The following GRM5 variants were observed in gnomAD, a reference collection of about 807,000 sequenced individuals.
The protein encoded by GRM5 is metabotropic glutamate receptor 5.
GRM5 carries 19 observed loss-of-function variants against 83.1 expected under a neutral mutation model. The observed-to-expected ratio is 0.23, with a 90% confidence interval of 0.16 to 0.34. The LOEUF (loss-of-function observed/expected upper bound fraction) is 0.34. Ranked by LOEUF, GRM5 falls within the 10% of genes least tolerant of loss-of-function variation. GRM5 has a pLI of 1.00. For missense variants in GRM5, 1,160 were observed against 1,588.3 expected (o/e 0.73, Z 4.58); for synonymous variants, 675 against 633.6 (o/e 1.07, Z -0.98).
chr11:89,057,182 A>G (rs1311856556), intron 1 of GRM5, among the ~76,000 whole-genome samples: 1 of 152,162 alleles, frequency 6.6e-6, no homozygotes, highest in Admixed American at 6.6e-5. Flanking sequence ...CTTCTGCCTG[A>G]TCAGTGGCCT....
intron 8 of GRM5, among the ~76,000 whole-genome samples, chr11:88,563,340 T>C (rs1942799695): frequency 6.6e-6 from 1 of 152,208 alleles, no homozygotes. Context: ...TCTGTGTACA[T>C]ACACCTTTCC....
intron 2 of GRM5, among the ~76,000 whole-genome samples, chr11:89,038,409 C>T (rs1473935467): frequency 6.6e-6 from 1 of 152,122 alleles, no homozygotes; most frequent in East Asian, 1.9e-4. Context: ...CATTATTTAA[C>T]AATATATCCT....
intron 3 of GRM5, 92 bp downstream of exon 3, chr11:88,849,813 TG>T: frequency 8.2e-7 from 1 of 1,215,256 alleles, no homozygotes; most frequent in Non-Finnish European, 1.2e-6. Context: ...GATTAAGCTT[TG>T]AAAGAATTTT....
At chr11:88,768,794 G>A (rs918240199) in intron 3 of GRM5, among the ~76,000 whole-genome samples, 1 of 151,780 alleles carries the variant, frequency 6.6e-6, no homozygotes, top group African/African-American at 2.4e-5. Flanking sequence ...TATTGAAGAT[G>A]GACCAAAGGA....
chr11:88,954,534 C>A (rs1177742466), intron 2 of GRM5, among the ~76,000 whole-genome samples: 1 of 152,202 alleles, frequency 6.6e-6, no homozygotes, highest in Non-Finnish European at 1.5e-5. Context: ...GAGCCCAGCA[C>A]TGCTCAATAG....
At chr11:88,776,728 G>T (rs917971539) in intron 3 of GRM5, among the ~76,000 whole-genome samples, 4 of 152,102 alleles carry the variant, frequency 2.6e-5, no homozygotes, top group African/African-American at 9.7e-5. Context: ...TAAATTCCGG[G>T]TTGAAAATTC....
intron 2 of GRM5, among the ~76,000 whole-genome samples, chr11:88,988,572 G>C (rs1246981835): frequency 2.0e-5 from 3 of 151,288 alleles, no homozygotes; most frequent in Admixed American, 6.6e-5. Context: ...ATTCACCAAA[G>C]TTGAAATGAA....
chr11:88,677,360 T>C (rs1329391002), intron 3 of GRM5, among the ~76,000 whole-genome samples: 1 of 152,136 alleles, frequency 6.6e-6, no homozygotes, highest in Non-Finnish European at 1.5e-5. Flanking sequence ...TTGCTTTAGT[T>C]ATTAGTTTAG....
chr11:88,916,065 A>G (rs1590961547), intron 2 of GRM5, among the ~76,000 whole-genome samples: 1 of 152,200 alleles, frequency 6.6e-6, no homozygotes, highest in South Asian at 2.1e-4. Context: ...TGGCTGTGCC[A>G]TTTATTCTTC....
At chr11:88,809,802 T>C (rs145749916) in intron 3 of GRM5, among the ~76,000 whole-genome samples, 10 of 151,820 alleles carry the variant, frequency 6.6e-5, no homozygotes, top group Admixed American at 2.6e-4. Context: ...TCTTCAGGAA[T>C]ATGGTTGCCA....
chr11:88,822,937 G>A (rs1264511713), intron 3 of GRM5, among the ~76,000 whole-genome samples: 4 of 151,816 alleles, frequency 2.6e-5, no homozygotes, highest in Non-Finnish European at 4.4e-5. Flanking sequence ...AATTAAAAGG[G>A]TAATTTCAAT....
At chr11:89,048,184 G>C in intron 1 of GRM5, 112 bp from the exon 2 acceptor site, 1 of 247,686 alleles carries the variant, frequency 4.0e-6, no homozygotes. Flanking sequence ...AGATAACGAA[G>C]AAAAAAAATT....
intron 3 of GRM5, among the ~76,000 whole-genome samples, chr11:88,751,727 G>A (rs1942277825): frequency 6.6e-6 from 1 of 152,130 alleles, no homozygotes; most frequent in African/African-American, 2.4e-5. Context: ...ACTGAATCCA[G>A]CAGCACATCA....
chr11:88,945,706 TCCTA>T (rs1938261094), intron 2 of GRM5, among the ~76,000 whole-genome samples: 1 of 152,018 alleles, frequency 6.6e-6, no homozygotes, highest in African/African-American at 2.4e-5. Flanking sequence ...GAAACTGGAC[TCCTA>T]CCTTTTACCA....
chr11:88,794,950 A>G (rs1943248646), intron 3 of GRM5, among the ~76,000 whole-genome samples: 1 of 152,226 alleles, frequency 6.6e-6, no homozygotes, highest in African/African-American at 2.4e-5. Context: ...TGGTGTGATT[A>G]CCATCCTTCA....
intron 4 of GRM5, among the ~76,000 whole-genome samples, chr11:88,613,663 G>A (rs181557855): frequency 6.6e-6 from 1 of 152,034 alleles, no homozygotes; most frequent in East Asian, 1.9e-4. Context: ...TTTTAAGTGG[G>A]GACATTAGCC....
intron 4 of GRM5, among the ~76,000 whole-genome samples, chr11:88,645,727 TA>T (rs1430765481): frequency 5.9e-5 from 9 of 152,092 alleles, no homozygotes; most frequent in African/African-American, 7.2e-5. Context: ...AAACATTAGA[TA>T]GGGGGATTTT....
chr11:88,883,553 T>A (rs1304658805), intron 2 of GRM5, among the ~76,000 whole-genome samples: 1 of 151,976 alleles, frequency 6.6e-6, no homozygotes, highest in Non-Finnish European at 1.5e-5. Context: ...GATGATGCAG[T>A]AGGAAAGAAA....
intron 3 of GRM5, among the ~76,000 whole-genome samples, chr11:88,811,974 T>G (rs2135498359): frequency 6.6e-6 from 1 of 152,240 alleles, no homozygotes; most frequent in Admixed American, 6.5e-5. Context: ...GTCAGTTATG[T>G]AAGACTCATA....
Sources: gnomAD v4.1 joint callset for allele counts (sites outside exome capture counted in the v4.1 genomes callset) on GRCh38, gnomAD v4.1.1 for gene constraint, MANE v1.5 for transcripts, NCBI Gene and HGNC (gene_info 2026-07-23, HGNC 2026-07-21) for gene names.